The following TELO2 variants were observed in gnomAD, a reference collection of about 807,000 sequenced individuals.
TELO2 encodes the protein telomere length regulation protein TEL2 homolog.
In TELO2, 71 loss-of-function variants were observed where a neutral mutation model predicts 91.0. The observed-to-expected ratio is 0.78, with a 90% CI of 0.64 to 0.95. The LOEUF is 0.95. Among genes scored for constraint, TELO2 ranks in the 40% least tolerant of loss-of-function variants. The probability of loss-of-function intolerance (pLI) is 0.00; values close to 1 mark genes in which losing one functional copy is unlikely to be tolerated. For synonymous variants in TELO2, 584 were observed against 518.9 expected, an observed-to-expected ratio of 1.13 and a Z score of -1.71; for missense variants, 1,183 against 1,141.3, an observed-to-expected ratio of 1.04 and a Z score of -0.53.
rs769599316 is a variant in TELO2 at position 1,500,470 on chromosome 16, C to G, written c.1126C>G (p.Leu376Val). The G allele has an allele frequency of 8.1e-6, 13 of 1,610,938 alleles. No individual in the cohort carries two copies. The East Asian group carries it at 2.7e-4, about 33-fold the overall frequency. Reference sequence around the variant, plus strand: ...CCTGGCGCAACTCGGGGAGCCGGAACTGCGGGACAGCCGGGATGGTGAGCG... The same window carrying G: ...CCTGGCGCAACTCGGGGAGCCGGAAGTGCGGGACAGCCGGGATGGTGAGCG... ...ICLAQLGEPE[L>V]RDSRDELLAS... is the part of the protein sequence containing the mutation. The change falls in exon 8 of 21, where the codon CTG (leucine) becomes GTG (valine). Residue 376 changes from leucine (L) to valine (V), a missense_variant. By Grantham distance (32) the Leu-to-Val change is conservative. Transcript: ENST00000262319.
Position 1,505,698 on chromosome 16 carries a change from G to A in TELO2, c.2034+97G>A, listed in dbSNP as rs530991684. 46 of 1,401,318 alleles carry A rather than the reference G, an allele frequency of 3.3e-5. No homozygotes were observed. The highest frequency in any genetic ancestry group is 1.1e-4 in the African/African-American group (8 of 69,678). The allele number at this position is 1,401,318 out of a possible 1,614,324, so 86.8% of individuals were successfully genotyped here. Reference sequence around the variant, plus strand: ...CCAGGCGCTGTCTGCAGCGAGGGGCGGCCACATTCGCTGGGGATGGTGCCT... The same window carrying A: ...CCAGGCGCTGTCTGCAGCGAGGGGCAGCCACATTCGCTGGGGATGGTGCCT... On this transcript the variant is annotated intron_variant, in intron 16 of 20. Coordinates refer to ENST00000262319, the MANE Select transcript of TELO2 (RefSeq NM_016111.4). This position sits in a 1 kb window ranked among gnomAD's most constrained non-coding sequence, Gnocchi z 4.3.
At position 1,502,433 on chromosome 16, in the gene TELO2, G is replaced by C. The variant is rs897118544; in HGVS notation, c.1653+29G>C. ...AGTGGGGGGCGGGAGTGGGTGGGGA[G>C]GCCCAAGATGGTAGCTCCCTCAATG... is the stretch of plus-strand genomic sequence containing the variant. On this transcript the variant is annotated intron_variant, in intron 13 of 20. Transcript: ENST00000262319. 6 of 1,568,532 alleles carry C rather than the reference G, an allele frequency of 3.8e-6. No individual in the cohort carries two copies. In the African/African-American group the frequency reaches 5.4e-5, roughly 14 times the overall value.
At chr16:1,503,377 G>C (rs982002951) in intron 15 of TELO2, among the ~76,000 whole-genome samples, 1 of 152,168 alleles carries the variant, frequency 6.6e-6, no homozygotes, top group East Asian at 1.9e-4. Flanking sequence ...ACCCGCTTGG[G>C]CACCACAATG....
Position 1,499,323 on chromosome 16 carries a change from C to T in TELO2, c.923C>T (p.Ser308Phe), listed in dbSNP as rs758238068. The change falls in exon 6 of 21, where the codon TCC (serine) becomes TTC (phenylalanine). Residue 308 changes from serine to phenylalanine, a missense_variant. Physicochemically the swap from Ser to Phe is radical, Grantham distance 155. Transcript: ENST00000262319. ...ACCCAGAAGCTTCTGTTCTTACAGT[C>T]CCGGCTCACGGTGAGGACGCCACGG... ...VMTQKLLFLQ[S>F]RLTTPMLQSL... The T allele has an allele frequency of 1.9e-5, 30 of 1,603,784 alleles. No individual in the cohort carries two copies. Among genetic ancestry groups the T allele is most frequent in the Admixed American group, 5.1e-5 (3 of 59,174 alleles).
chr16:1,496,285 C>T (rs2039490267), intron 3 of TELO2, among the ~76,000 whole-genome samples: 1 of 152,228 alleles, frequency 6.6e-6, no homozygotes, highest in Non-Finnish European at 1.5e-5. Context: ...AGCTCGGCGC[C>T]CCCTCAGAGC....
At chr16:1,507,877 T>TCGGCCCGGGGTGG in intron 20 of TELO2, among the ~76,000 whole-genome samples, 161 bp downstream of exon 20, 1 of 125,340 alleles carries the variant, frequency 8.0e-6, no homozygotes, top group African/African-American at 3.5e-5. Context: ...TGTGTGTGTG[T>TCGGCCCGGGGTGG]GTGTGTGTGT....
rs1252696721 is a variant in TELO2 at position 1,501,779 on chromosome 16, G to T, written c.1472+6G>T. 1 of 1,605,530 alleles carries T rather than the reference G, an allele frequency of 6.2e-7. No individual in the cohort carries two copies. The highest frequency in any genetic ancestry group is 2.2e-5 in the East Asian group (1 of 44,884). On this transcript the variant is annotated splice_donor_region_variant and intron_variant, in intron 11 of 20. Coordinates refer to ENST00000262319, the MANE Select transcript of TELO2 (RefSeq NM_016111.4). Reference sequence around the variant, plus strand: ...TCTGACTCGGACCTGGACAGGTAGGGGCTCTGCCACCCCAGTGGGCAGCGT... The same window carrying T: ...TCTGACTCGGACCTGGACAGGTAGGTGCTCTGCCACCCCAGTGGGCAGCGT...
Position 1,500,450 on chromosome 16 carries a change from C to T in TELO2, c.1106C>T (p.Ala369Val), listed in dbSNP as rs374989125. ...HVSKAVLICL[A>V]QLGEPELRDS... ...AGCAAGGCTGTCCTCATCTGCCTGGCGCAACTCGGGGAGCCGGAACTGCGG... is the reference window on the plus strand; with the variant it reads ...AGCAAGGCTGTCCTCATCTGCCTGGTGCAACTCGGGGAGCCGGAACTGCGG... The change falls in exon 8 of 21, where the codon GCG becomes GTG. Residue 369 changes from alanine to valine, a missense_variant. Ala to Val is a moderately conservative substitution (Grantham distance 64). Transcript: ENST00000262319. 8.1e-6 allele frequency: 13 copies of T among 1,609,956 alleles called. No individual in the cohort carries two copies. The highest frequency in any genetic ancestry group is 3.3e-5 in the South Asian group (3 of 90,542).
At position 1,503,020 on chromosome 16, in the gene TELO2, C is replaced by T. The variant is rs751746918; in HGVS notation, c.1842+18C>T. On this transcript the variant is annotated intron_variant, in intron 15 of 20. Coordinates refer to ENST00000262319, the MANE Select transcript of TELO2 (RefSeq NM_016111.4). Reference sequence around the variant, plus strand: ...TCCTGGATGTAAGTGCCTCCTGGGCCTCAGTCCCCCTGGTCTGGCCCAAGC... The same window carrying T: ...TCCTGGATGTAAGTGCCTCCTGGGCTTCAGTCCCCCTGGTCTGGCCCAAGC... 3.1e-6 allele frequency: 5 copies of T among 1,608,012 alleles called. No individual in the cohort carries two copies. The highest frequency in any genetic ancestry group is 4.2e-6 in the Non-Finnish European group (5 of 1,179,880).
In TELO2 at chr16:1,494,727, A is replaced by C; in HGVS notation, c.335+111A>C. Reference sequence around the variant, plus strand: ...AGTCCCTGTGAGGGGCTAGAGAGAGAGCCTGCTCCTGGCTGAACCCCTGAA... The same window carrying C: ...AGTCCCTGTGAGGGGCTAGAGAGAGCGCCTGCTCCTGGCTGAACCCCTGAA... On this transcript the variant is annotated intron_variant, in intron 2 of 20. Coordinates refer to ENST00000262319, the MANE Select transcript of TELO2 (RefSeq NM_016111.4). This position sits in a 1 kb window ranked among gnomAD's most constrained non-coding sequence, Gnocchi z 5.6. 1 of 1,190,024 alleles carries C rather than the reference A, an allele frequency of 8.4e-7. No homozygotes were observed. Among genetic ancestry groups the C allele is most frequent in the Non-Finnish European group, 1.1e-6 (1 of 870,222 alleles). The allele number at this position is 1,190,024 out of a possible 1,614,324, so 73.7% of individuals were successfully genotyped here. A position where few individuals can be genotyped will look rare whatever the true frequency, so the allele number is the denominator to read the frequency against.
At chr16:1,498,387 A>G (rs768545280) in intron 5 of TELO2, among the ~76,000 whole-genome samples, 5 of 152,124 alleles carry the variant, frequency 3.3e-5, no homozygotes, top group Non-Finnish European at 5.9e-5. Context: ...TCTGTGAACT[A>G]TATAATCATG....
Position 1,494,581 on chromosome 16 carries a change from C to G in TELO2, c.300C>G (p.Phe100Leu), listed in dbSNP as rs764033312. ...TGGAGGGCCCGGCGGACCAAGCCTT[C>G]CTGGTGTTGATGGAGACCATCGAGG... The part of the protein sequence containing the change: ...FFLEGPADQA[F>L]LVLMETIEGA... Residue 100 changes from phenylalanine (F) to leucine (L), a missense_variant, in exon 2 of 21, where the codon TTC (phenylalanine) becomes TTG (leucine). Coordinates refer to ENST00000262319, the MANE Select transcript of TELO2 (RefSeq NM_016111.4). The surrounding 1 kb of genome is among the most constrained non-coding windows in gnomAD (Gnocchi z 5.6). 6.2e-7 allele frequency: 1 copy of G among 1,613,460 alleles called. No individual in the cohort carries two copies. The highest frequency in any genetic ancestry group is 8.5e-7 in the Non-Finnish European group (1 of 1,179,900).
In TELO2 at chr16:1,505,040, A is replaced by C; in HGVS notation, c.1843-370A>C. 1 of 196,262 alleles carries C rather than the reference A, an allele frequency of 5.1e-6. No homozygotes were observed. The highest frequency in any genetic ancestry group is 1.1e-5 in the Non-Finnish European group (1 of 94,490). The allele number at this position is 196,262 out of a possible 1,614,324, so 12.2% of individuals were successfully genotyped here. A position where few individuals can be genotyped will look rare whatever the true frequency, so the allele number is the denominator to read the frequency against. On this transcript the variant is annotated intron_variant, in intron 15 of 20. Transcript: ENST00000262319. This position sits in a 1 kb window ranked among gnomAD's most constrained non-coding sequence, Gnocchi z 4.3. ...ATGGGTCCTTGGTGCCTTCTCTGCA[A>C]TGTTCTGAGGTCCCCCCGCCCGTGG... is the stretch of plus-strand genomic sequence containing the variant.
rs2667687 is a variant in TELO2, at chr16:1,507,280, C to T, written c.2227-26C>T. On this transcript the variant is annotated intron_variant, in intron 18 of 20. Transcript: ENST00000262319. ...ATGTGGGGACGGCGTCGGGACCCCA[C>T]TGACTGTCCCTCTGCTGGTGTCCAG... The T allele has an allele frequency of 1.4e-3, 2,240 of 1,605,082 alleles. 28 individuals carry two copies. The African/African-American group carries it at 0.026, about 19-fold the overall frequency.
chr16:1,507,801 G>T, intron 20 of TELO2, 85 bp downstream of exon 20: 1 of 1,127,234 alleles, frequency 8.9e-7, no homozygotes, highest in Non-Finnish European at 1.2e-6. Context: ...TGAGAGATGT[G>T]TCGGCCCGGG....
At chr16:1,507,430 G>T (rs1486531505) in intron 19 of TELO2, 60 bp downstream of exon 19, 3 of 1,594,058 alleles carry the variant, frequency 1.9e-6, no homozygotes, top group Non-Finnish European at 2.6e-6. Flanking sequence ...GGGTCTTATT[G>T]TGGGGGCCCC....
chr16:1,506,250 C>G lies in TELO2; in HGVS notation c.2047C>G (p.Gln683Glu), dbSNP rs1335246840. ...TTGTGTCTGGCAGGGTGGCCCGAGG[C>G]AGGGCCCGGCAGGCAGCCCCAGCAG... Reference protein sequence around the residue: ...TQRLSKGGPRQGPAGSPSRFN... With the variant: ...TQRLSKGGPREGPAGSPSRFN... Residue 683 changes from glutamine (Q) to glutamate (E), a missense_variant, in exon 17 of 21, where the codon CAG becomes GAG. Coordinates refer to ENST00000262319, the MANE Select transcript of TELO2 (RefSeq NM_016111.4). The G allele has an allele frequency of 1.2e-6, 2 of 1,613,610 alleles. No homozygotes were observed. Among genetic ancestry groups the G allele is most frequent in the Admixed American group, 1.7e-5 (1 of 60,032 alleles).
At position 1,509,032 on chromosome 16, in the gene TELO2, G is replaced by GC. The variant is rs1596275592; in HGVS notation, c.2408-798_2408-797insC. Among the ~76,000 whole-genome samples the GC allele has an allele frequency of 3.1e-4, 47 of 151,522 alleles. No homozygotes were observed. In the East Asian group the frequency reaches 9.3e-3, roughly 30 times the overall value. On this transcript the variant is annotated intron_variant, in intron 20 of 20. Coordinates refer to ENST00000262319, the MANE Select transcript of TELO2 (RefSeq NM_016111.4). Reference sequence around the variant, plus strand: ...CCCACTCGCCCTGCCTGGAGGAGGAGAGGTTCCCCTTTGGCCAGTGGAGCC... The same window carrying GC: ...CCCACTCGCCCTGCCTGGAGGAGGAGCAGGTTCCCCTTTGGCCAGTGGAGCC...
rs147163622 is a variant in TELO2 at position 1,495,590 on chromosome 16, C to T, written c.580C>T (p.Arg194Trp). The change falls in exon 3 of 21, where the codon CGG becomes TGG. Residue 194 changes from arginine (R) to tryptophan (W), a missense_variant. Arg to Trp is a moderately radical substitution (Grantham distance 101, BLOSUM62 -3). Transcript: ENST00000262319. ...CCGCCTGCTCGGCGAGGAGGTCGTC[C>T]GGGTGCTGCAGGCGGTTGTGGACTC... ...YFRLLGEEVV[R>W]VLQAVVDSLQ... 72 of 1,606,384 alleles carry T rather than the reference C, an allele frequency of 4.5e-5. No individual in the cohort carries two copies. Among genetic ancestry groups the T allele is most frequent in the African/African-American group, 1.7e-4 (13 of 74,846 alleles).
Sources: gnomAD v4.1 joint callset for allele counts (sites outside exome capture counted in the v4.1 genomes callset) on GRCh38, gnomAD v4.1.1 for gene constraint, Gnocchi (gnomAD v3.1) non-coding constraint, MANE v1.5 for transcripts, NCBI Gene and HGNC (gene_info 2026-07-23, HGNC 2026-07-21) for gene names.